Variants in DNAI4 observed in about 807,000 individuals in gnomAD.
DNAI4 encodes the protein dynein axonemal intermediate chain 4.
Under a neutral mutation model 105.8 loss-of-function variants are expected in DNAI4, and 85 were observed. That is an observed-to-expected ratio of 0.80 (90% CI 0.67 to 0.96). The LOEUF is 0.96. Ranked by LOEUF, DNAI4 falls within the 40% of genes least tolerant of loss-of-function variation. The pLI is 0.00. For synonymous variants in DNAI4, 352 were observed against 331.5 expected (o/e 1.06, Z -0.67); for missense variants, 1,014 against 1,005.6 (o/e 1.01, Z -0.11).
At chr1:66,857,783 A>C (rs1042238912) in intron 7 of DNAI4, among the ~76,000 whole-genome samples, 2 of 151,956 alleles carry the variant, frequency 1.3e-5, no homozygotes, top group Non-Finnish European at 2.9e-5. Context: ...GTTGGTCTTG[A>C]TCATGTTGGT....
chr1:66,921,892 G>C (rs891693444), intron 1 of DNAI4, among the ~76,000 whole-genome samples: 141 of 117,950 alleles, frequency 1.2e-3, no homozygotes, highest in African/African-American at 4.8e-3. Context: ...TAAACTTGTA[G>C]AAATTTTTTT....
chr1:66,886,370 T>A (rs560573085), intron 4 of DNAI4, among the ~76,000 whole-genome samples: 1 of 152,350 alleles, frequency 6.6e-6, no homozygotes, highest in Non-Finnish European at 1.5e-5. Flanking sequence ...AATATATTTT[T>A]CTTGCCCTTT....
At chr1:66,909,285 T>TCTACAC (rs143570368) in intron 1 of DNAI4, among the ~76,000 whole-genome samples, 10 of 134,540 alleles carry the variant, frequency 7.4e-5, no homozygotes, top group African/African-American at 2.6e-4. Flanking sequence ...CACCTCTCTC[T>TCTACAC]ACACACACAC....
At chr1:66,837,827 A>G in intron 9 of DNAI4, 31 bp from the exon 10 acceptor site, 2 of 1,557,246 alleles carry the variant, frequency 1.3e-6, no homozygotes, top group Non-Finnish European at 8.7e-7. Context: ...TTTAAAAATA[A>G]GAGAAGATAG....
At chr1:66,897,428 C>T (rs1648425385) in intron 2 of DNAI4, among the ~76,000 whole-genome samples, 2 of 152,130 alleles carry the variant, frequency 1.3e-5, no homozygotes, top group Admixed American at 6.5e-5. Flanking sequence ...AAGAATGAAC[C>T]AAGGGTGTGG....
chr1:66,852,524 G>T (rs1288274097), intron 7 of DNAI4, among the ~76,000 whole-genome samples: 2 of 151,756 alleles, frequency 1.3e-5, no homozygotes, highest in Non-Finnish European at 2.9e-5. Context: ...TATACACAAT[G>T]ACCAATTGAA....
intron 1 of DNAI4, among the ~76,000 whole-genome samples, chr1:66,906,067 G>A (rs548040341): frequency 2.0e-5 from 3 of 151,814 alleles, no homozygotes; most frequent in Non-Finnish European, 4.4e-5. Context: ...GGGACTACAG[G>A]TGTGCACCAC....
chr1:66,902,765 A>G (rs1255360861), intron 2 of DNAI4, among the ~76,000 whole-genome samples: 1 of 152,216 alleles, frequency 6.6e-6, no homozygotes, highest in Non-Finnish European at 1.5e-5. Context: ...CCATGTGGAT[A>G]TCCAGTTGTC....
At chr1:66,915,243 A>G (rs1267569285) in intron 1 of DNAI4, among the ~76,000 whole-genome samples, 3 of 152,234 alleles carry the variant, frequency 2.0e-5, no homozygotes, top group African/African-American at 7.2e-5. Context: ...TCTAGTCCAC[A>G]GGCAATAAGG....
intron 6 of DNAI4, among the ~76,000 whole-genome samples, chr1:66,868,314 A>G (rs1388050342): frequency 6.6e-6 from 1 of 152,228 alleles, no homozygotes; most frequent in Non-Finnish European, 1.5e-5. Context: ...AGCAATTTAA[A>G]TAACATGGTG....
chr1:66,835,911 T>C, intron 10 of DNAI4, 134 bp from the exon 11 acceptor site: 1 of 706,028 alleles, frequency 1.4e-6, no homozygotes, highest in Non-Finnish European at 2.4e-6. Context: ...TACTTCTGTC[T>C]TCCTAATTTC....
intron 1 of DNAI4, among the ~76,000 whole-genome samples, chr1:66,922,095 T>C (rs1312750998): frequency 2.0e-5 from 3 of 152,102 alleles, no homozygotes; most frequent in Non-Finnish European, 2.9e-5. Flanking sequence ...TTTGCCATGT[T>C]GCCCAGGCTG....
At chr1:66,896,318 A>G (rs771043775) in intron 2 of DNAI4, among the ~76,000 whole-genome samples, 1 of 152,278 alleles carries the variant, frequency 6.6e-6, no homozygotes, top group Non-Finnish European at 1.5e-5. Context: ...ATACAATAAC[A>G]TAATATGCAT....
intron 16 of DNAI4, among the ~76,000 whole-genome samples, chr1:66,814,849 G>C (rs1019336705): frequency 6.6e-5 from 10 of 152,052 alleles, no homozygotes; most frequent in Non-Finnish European, 1.3e-4. Flanking sequence ...TTAGAGAGTA[G>C]AACTTCTCAA....
chr1:66,834,821 A>AT (rs554730107), intron 11 of DNAI4, among the ~76,000 whole-genome samples: 1 of 152,048 alleles, frequency 6.6e-6, no homozygotes, highest in Non-Finnish European at 1.5e-5. Context: ...CATATCTTTG[A>AT]TTTTTTGGTG....
At chr1:66,841,248 T>C (rs1226982215) in intron 8 of DNAI4, among the ~76,000 whole-genome samples, 1 of 152,198 alleles carries the variant, frequency 6.6e-6, no homozygotes, top group Non-Finnish European at 1.5e-5. Flanking sequence ...TAAATTATGA[T>C]ACAGGGCTAA....
intron 10 of DNAI4, among the ~76,000 whole-genome samples, chr1:66,836,302 AAGAAAGAAAGAAAG>A (rs1243753103): frequency 6.6e-6 from 1 of 150,568 alleles, no homozygotes; most frequent in Admixed American, 6.6e-5. Flanking sequence ...GAAAGAAAGA[AAGAAAGAAAGAAAG>A]AAAGAAAGAA....
intron 6 of DNAI4, among the ~76,000 whole-genome samples, chr1:66,865,143 C>A (rs977992948): frequency 6.6e-6 from 1 of 152,088 alleles, no homozygotes; most frequent in Non-Finnish European, 1.5e-5. Flanking sequence ...TTTATGGATG[C>A]CAGCCGTGAT....
chr1:66,847,115 G>C (rs1360694575), intron 8 of DNAI4, among the ~76,000 whole-genome samples: 1 of 152,182 alleles, frequency 6.6e-6, no homozygotes, highest in African/African-American at 2.4e-5. Flanking sequence ...TTGAATCTAA[G>C]ACAATCTGCT....
Sources: allele counts gnomAD v4.1 joint callset (sites outside exome capture counted in the v4.1 genomes callset), GRCh38; gene constraint gnomAD v4.1.1; transcripts MANE v1.5; gene names NCBI Gene and HGNC (gene_info 2026-07-23, HGNC 2026-07-21).